NTF3: variants seen among roughly 807,000 people sequenced by gnomAD.
NTF3 encodes neurotrophin 3.
Under a neutral mutation model 26.3 loss-of-function variants are expected in NTF3, and 8 were observed. The ratio of observed to expected loss-of-function variants is 0.30; its 90% CI spans 0.18 to 0.55. NTF3 has a LOEUF of 0.55. Among genes scored for constraint, NTF3 ranks in the 20% least tolerant of loss-of-function variants. NTF3 has a pLI of 0.93. For missense variants in NTF3, 276 were observed against 352.9 expected (o/e 0.78, Z 1.75); for synonymous variants, 154 against 145.5 (o/e 1.06, Z -0.42).
chr12:5,490,500 G>A (rs572595673), intron 1 of NTF3, among the ~76,000 whole-genome samples: 4 of 152,282 alleles, frequency 2.6e-5, no homozygotes, highest in South Asian at 2.1e-4. Flanking sequence ...AGCAGAACTC[G>A]CTGCTGTGCC....
rs1940101733 is a variant in NTF3 at position 5,432,314 on chromosome 12, A to C, written c.-11A>C. 6.2e-7 allele frequency: 1 copy of C among 1,612,982 alleles called. No individual in the cohort carries two copies. The highest frequency in any genetic ancestry group is 1.3e-5 in the African/African-American group (1 of 74,698). Reference sequence around the variant, plus strand: ...CATGTCGACGTCCCTGGAAACGGCCACACGGATGCCATGGTTACTTTTGCC... The same window carrying C: ...CATGTCGACGTCCCTGGAAACGGCCCCACGGATGCCATGGTTACTTTTGCC... On this transcript the variant is annotated 5_prime_UTR_variant, in exon 1 of 2. Coordinates refer to ENST00000423158, the MANE Select transcript of NTF3 (RefSeq NM_001102654.2).
rs1035132902 is a variant in NTF3, at chr12:5,433,853, G to T, written c.18+1511G>T. Among the ~76,000 whole-genome samples, 1 of 152,134 alleles carries T rather than the reference G, an allele frequency of 6.6e-6. No homozygotes were observed. On this transcript the variant is annotated intron_variant, in intron 1 of 1. Coordinates refer to ENST00000423158, the MANE Select transcript of NTF3 (RefSeq NM_001102654.2). The surrounding 1 kb of genome is among the most constrained non-coding windows in gnomAD (Gnocchi z 4.6). Reference sequence around the variant, plus strand: ...TGTGAAGAGGCGGGGGCGAGGGCCTGCTGAGAGGGGAGGGGAGCCTGGAAG... The same window carrying T: ...TGTGAAGAGGCGGGGGCGAGGGCCTTCTGAGAGGGGAGGGGAGCCTGGAAG...
chr12:5,436,334 A>G (rs1940167935), intron 1 of NTF3, among the ~76,000 whole-genome samples: 2 of 152,282 alleles, frequency 1.3e-5, no homozygotes, highest in African/African-American at 4.8e-5. Flanking sequence ...TGTGTAAGAG[A>G]TAGTTTATAT....
chr12:5,439,204 T>C (rs1266585504), intron 1 of NTF3, among the ~76,000 whole-genome samples: 1 of 152,218 alleles, frequency 6.6e-6, no homozygotes, highest in Non-Finnish European at 1.5e-5. Flanking sequence ...TGGATGATGA[T>C]GATGATGACA....
intron 1 of NTF3, among the ~76,000 whole-genome samples, chr12:5,449,797 T>C (rs999240839): frequency 6.6e-6 from 1 of 152,228 alleles, no homozygotes; most frequent in Admixed American, 6.5e-5. Context: ...CTGCATTTAG[T>C]CACTTAGAAC....
chr12:5,466,121 C>T (rs78561886), intron 1 of NTF3, among the ~76,000 whole-genome samples: 8 of 152,276 alleles, frequency 5.3e-5, no homozygotes, highest in South Asian at 2.1e-4. Context: ...GACGTGTGGG[C>T]GTCATGCAGC....
intron 1 of NTF3, among the ~76,000 whole-genome samples, chr12:5,439,902 G>C (rs1002341396): frequency 1.3e-5 from 2 of 152,226 alleles, no homozygotes; most frequent in African/African-American, 4.8e-5. Context: ...TAGGTTTCTT[G>C]CTGGGAGGTT....
At chr12:5,474,962 G>T (rs1940704941) in intron 1 of NTF3, among the ~76,000 whole-genome samples, 1 of 152,158 alleles carries the variant, frequency 6.6e-6, no homozygotes, top group Admixed American at 6.5e-5. Flanking sequence ...GGGGAGGATG[G>T]TGACTTCAGC....
At chr12:5,462,659 A>G (rs944850000) in intron 1 of NTF3, among the ~76,000 whole-genome samples, 6 of 152,212 alleles carry the variant, frequency 3.9e-5, no homozygotes, top group African/African-American at 1.4e-4. Context: ...CAGTGAAGGC[A>G]GATGGAGAAC....
intron 1 of NTF3, among the ~76,000 whole-genome samples, chr12:5,450,856 G>T (rs11063685): frequency 0.98 from 149,074 of 152,244 alleles, 73,067 homozygotes; most frequent in East Asian, 1. Flanking sequence ...GCTTTCTGTG[G>T]CCTTGCTTCA....
intron 1 of NTF3, among the ~76,000 whole-genome samples, chr12:5,490,367 A>G (rs897893613): frequency 3.9e-5 from 6 of 152,242 alleles, no homozygotes; most frequent in South Asian, 2.1e-4. Flanking sequence ...TGGAAAGGAC[A>G]TGGTCCCTGT....
At chr12:5,481,525 CACAG>C (rs1192093064) in intron 1 of NTF3, among the ~76,000 whole-genome samples, 2 of 11,960 alleles carry the variant, frequency 1.7e-4, no homozygotes, top group African/African-American at 2.6e-4. Flanking sequence ...CATGCACACA[CACAG>C]ACACATTCAC....
chr12:5,488,760 G>A (rs367666750), intron 1 of NTF3, among the ~76,000 whole-genome samples: 44 of 152,232 alleles, frequency 2.9e-4, no homozygotes, highest in Non-Finnish European at 5.3e-4. Flanking sequence ...TGAGCCTGTA[G>A]CATTAGTCAG....
intron 1 of NTF3, among the ~76,000 whole-genome samples, chr12:5,443,453 G>A (rs1262958942): frequency 1.3e-5 from 2 of 152,098 alleles, no homozygotes; most frequent in Non-Finnish European, 2.9e-5. Context: ...GGAGTTTTGG[G>A]TGCTGTTAAA....
At chr12:5,474,069 CA>C (rs1940695130) in intron 1 of NTF3, among the ~76,000 whole-genome samples, 1 of 152,140 alleles carries the variant, frequency 6.6e-6, no homozygotes, top group African/African-American at 2.4e-5. Flanking sequence ...ATTTATTTTC[CA>C]AAGTGGGACA....
At chr12:5,478,764 C>T (rs55864436) in intron 1 of NTF3, among the ~76,000 whole-genome samples, 3,598 of 152,324 alleles carry the variant, frequency 0.024, 72 homozygotes, top group Middle Eastern at 0.068. Flanking sequence ...GCACATTGGT[C>T]CAGGGGCAGA....
At chr12:5,453,597 C>G (rs1373125146) in intron 1 of NTF3, among the ~76,000 whole-genome samples, 1 of 152,198 alleles carries the variant, frequency 6.6e-6, no homozygotes, top group African/African-American at 2.4e-5. Context: ...TCTCTTTGAT[C>G]CATGTTTAGC....
intron 1 of NTF3, among the ~76,000 whole-genome samples, chr12:5,480,553 A>AC (rs1940777300): frequency 6.6e-6 from 1 of 152,098 alleles, no homozygotes; most frequent in South Asian, 2.1e-4. Flanking sequence ...CGGGAGGCGA[A>AC]CCGGCAGGAA....
intron 1 of NTF3, among the ~76,000 whole-genome samples, chr12:5,491,439 G>C (rs1271549646): frequency 6.6e-6 from 1 of 152,190 alleles, no homozygotes; most frequent in Non-Finnish European, 1.5e-5. Flanking sequence ...GAAATGGTCA[G>C]CCACTGGGAG....
Sources: allele counts gnomAD v4.1 joint callset (sites outside exome capture counted in the v4.1 genomes callset), GRCh38; gene constraint gnomAD v4.1.1; non-coding constraint Gnocchi (gnomAD v3.1); transcripts MANE v1.5; gene names NCBI Gene and HGNC (gene_info 2026-07-23, HGNC 2026-07-21).